Variants in BMPR1A observed in about 807,000 individuals in gnomAD.
BMPR1A encodes the protein bone morphogenetic protein receptor type-1A.
Under a neutral mutation model 66.0 loss-of-function variants are expected in BMPR1A, and 7 were observed. The observed-to-expected ratio is 0.11, with a 90% CI of 0.06 to 0.20. BMPR1A has a LOEUF of 0.20. BMPR1A is among the 10% of genes least tolerant of loss of function. The probability of loss-of-function intolerance (pLI) is 1.00; values close to 1 mark genes in which losing one functional copy is unlikely to be tolerated. For missense variants in BMPR1A, 408 were observed against 669.1 expected (o/e 0.61, Z 4.31); for synonymous variants, 200 against 229.7 (o/e 0.87, Z 1.17).
intron 1 of BMPR1A, among the ~76,000 whole-genome samples, chr10:86,777,510 A>C (rs1841370142): frequency 6.6e-6 from 1 of 151,924 alleles, no homozygotes; most frequent in Admixed American, 6.6e-5. Context: ...GAGCCTGATG[A>C]GGTTTAGGTT....
At chr10:86,870,554 C>T (rs1256650384) in intron 2 of BMPR1A, among the ~76,000 whole-genome samples, 5 of 152,132 alleles carry the variant, frequency 3.3e-5, no homozygotes, top group African/African-American at 1.2e-4. Context: ...TCCCTAGTGT[C>T]TGGGACTACA....
In BMPR1A at chr10:86,926,677, C is replaced by T. The variant is rs553888688; in HGVS notation, c.*2958C>T. The T allele has an allele frequency of 7.1e-5, 13 of 183,068 alleles. No individual in the cohort carries two copies. The South Asian group carries it at 2.6e-3, about 36-fold the overall frequency. 11.3% of individuals were successfully genotyped at this position (183,068 alleles called of 1,614,324 possible). A position where few individuals can be genotyped will look rare whatever the true frequency, so the allele number is the denominator to read the frequency against. ...AGCAAGAAGAAGTATTATGTAGTAC[C>T]ATAGTTAGTAAATTCGTAAAACCTT... On this transcript the variant is annotated 3_prime_UTR_variant, in exon 13 of 13. Coordinates refer to ENST00000372037, the MANE Select transcript of BMPR1A (RefSeq NM_004329.3).
At position 86,925,041 on chromosome 10, in the gene BMPR1A, T is replaced by C. The variant is rs1290372407; in HGVS notation, c.*1322T>C. ...AACTGTCAAATATGTTCTGGACAGC[T>C]AAATCATTTGAGATTTTTGGTTTTT... On this transcript the variant is annotated 3_prime_UTR_variant, in exon 13 of 13. Coordinates refer to ENST00000372037, the MANE Select transcript of BMPR1A (RefSeq NM_004329.3). 8.6e-6 allele frequency: 2 copies of C among 232,112 alleles called. No individual in the cohort carries two copies. The highest frequency in any genetic ancestry group is 4.4e-5 in the African/African-American group (2 of 45,328). The allele number at this position is 232,112 out of a possible 1,614,324, so 14.4% of individuals were successfully genotyped here.
At chr10:86,778,099 A>T (rs1260710420) in intron 1 of BMPR1A, among the ~76,000 whole-genome samples, 2 of 152,014 alleles carry the variant, frequency 1.3e-5, no homozygotes, top group East Asian at 3.9e-4. Flanking sequence ...GTATGTAGTG[A>T]TGTTTTGATA....
intron 1 of BMPR1A, among the ~76,000 whole-genome samples, chr10:86,782,459 G>A (rs541872896): frequency 1.1e-4 from 17 of 152,216 alleles, no homozygotes; most frequent in Admixed American, 3.3e-4. Context: ...ACAATGCACA[G>A]GAGTTCTAAT....
At position 86,919,485 on chromosome 10, in the gene BMPR1A, C is replaced by A. The variant is rs779667550; in HGVS notation, c.1166+16C>A. 2 of 1,612,514 alleles carry A rather than the reference C, an allele frequency of 1.2e-6. No individual in the cohort carries two copies. The highest frequency in any genetic ancestry group is 1.7e-6 in the Non-Finnish European group (2 of 1,179,156). Reference sequence around the variant, plus strand: ...AATTCAACAGGTGAGTGGTTCTTTGCCCCACTGTTTTGAAATTATTTTAAT... The same window carrying A: ...AATTCAACAGGTGAGTGGTTCTTTGACCCACTGTTTTGAAATTATTTTAAT... On this transcript the variant is annotated intron_variant, in intron 10 of 12. Transcript: ENST00000372037.
intron 2 of BMPR1A, among the ~76,000 whole-genome samples, chr10:86,867,951 TTAA>T (rs1184319884): frequency 6.6e-6 from 1 of 152,190 alleles, no homozygotes; most frequent in African/African-American, 2.4e-5. Context: ...GTTTTGATTG[TTAA>T]TTAATAATTG....
intron 1 of BMPR1A, among the ~76,000 whole-genome samples, chr10:86,793,602 G>A (rs759416517): frequency 7.2e-5 from 11 of 151,894 alleles, no homozygotes; most frequent in Admixed American, 1.3e-4. Context: ...TGCCTGCCTC[G>A]GCCTCCCAAA....
intron 5 of BMPR1A, among the ~76,000 whole-genome samples, chr10:86,896,023 A>T (rs1843219426): frequency 6.6e-6 from 1 of 151,952 alleles, no homozygotes; most frequent in South Asian, 2.1e-4. Flanking sequence ...GCGTGGTGGC[A>T]CACTCCTGTA....
rs1842813162 is a variant in BMPR1A at position 86,868,578 on chromosome 10, G to T, written c.-152-7289G>T. 2.0e-5 allele frequency among the ~76,000 whole-genome samples: 3 copies of T among 152,246 alleles called. No homozygotes were observed. In the South Asian group the frequency reaches 6.2e-4, roughly 31 times the overall value. On this transcript the variant is annotated intron_variant, in intron 2 of 12. Coordinates refer to ENST00000372037, the MANE Select transcript of BMPR1A (RefSeq NM_004329.3). ...AAGCTTGTCAGACCCGGCGCCTGGA[G>T]CTGCCTGGCGGGGAGGGACCCCTGG...
chr10:86,780,442 C>CT (rs929167717), intron 1 of BMPR1A, among the ~76,000 whole-genome samples: 32 of 149,214 alleles, frequency 2.1e-4, no homozygotes, highest in East Asian at 7.8e-4. Context: ...CATTTCAAAT[C>CT]TTTTTTTTTT....
intron 1 of BMPR1A, among the ~76,000 whole-genome samples, chr10:86,800,645 G>A (rs1045437899): frequency 6.6e-6 from 1 of 152,166 alleles, no homozygotes; most frequent in South Asian, 2.1e-4. Flanking sequence ...CACCCGCCTC[G>A]GCCTCCCAAA....
At chr10:86,807,640 C>T (rs1304548120) in intron 1 of BMPR1A, among the ~76,000 whole-genome samples, 1 of 152,198 alleles carries the variant, frequency 6.6e-6, no homozygotes, top group Non-Finnish European at 1.5e-5. Flanking sequence ...ACCTCAGTCT[C>T]CCAAAGAGCT....
chr10:86,825,170 C>G (rs1842177235), intron 1 of BMPR1A, among the ~76,000 whole-genome samples: 1 of 150,316 alleles, frequency 6.7e-6, no homozygotes, highest in Non-Finnish European at 1.5e-5. Context: ...ATGGCGTGAT[C>G]ATTGCTCACT....
intron 2 of BMPR1A, among the ~76,000 whole-genome samples, chr10:86,848,724 C>G (rs1332898847): frequency 6.6e-6 from 1 of 152,164 alleles, no homozygotes; most frequent in East Asian, 1.9e-4. Flanking sequence ...TTTGTTTATT[C>G]TCCCAGCCTT....
chr10:86,825,318 G>T (rs773068682), intron 1 of BMPR1A, among the ~76,000 whole-genome samples: 5 of 151,942 alleles, frequency 3.3e-5, no homozygotes, highest in Non-Finnish European at 5.9e-5. Flanking sequence ...TTTTAGCAGT[G>T]TAAAATAAAG....
chr10:86,764,666 C>T (rs947186517), intron 1 of BMPR1A, among the ~76,000 whole-genome samples: 7 of 152,132 alleles, frequency 4.6e-5, no homozygotes, highest in African/African-American at 7.2e-5. Flanking sequence ...GCTTCCTTTC[C>T]TACTATTTTA....
chr10:86,760,620 G>T (rs1409524134), intron 1 of BMPR1A, among the ~76,000 whole-genome samples: 1 of 152,130 alleles, frequency 6.6e-6, no homozygotes, highest in Non-Finnish European at 1.5e-5. Flanking sequence ...ATATTAAAAG[G>T]AATAAATGGG....
At chr10:86,825,271 G>A (rs907979660) in intron 1 of BMPR1A, among the ~76,000 whole-genome samples, 1 of 151,422 alleles carries the variant, frequency 6.6e-6, no homozygotes, top group Non-Finnish European at 1.5e-5. Context: ...ACCCAGCCAA[G>A]AAATCCCATT....
Sources: gnomAD v4.1 joint callset for allele counts (sites outside exome capture counted in the v4.1 genomes callset) on GRCh38, gnomAD v4.1.1 for gene constraint, MANE v1.5 for transcripts, NCBI Gene and HGNC (gene_info 2026-07-23, HGNC 2026-07-21) for gene names.